SLC41A2: variants seen among roughly 807,000 people sequenced by gnomAD.
SLC41A2 encodes solute carrier family 41 member 2, also known as SLC41A1-like 1.
In SLC41A2, 32 loss-of-function variants were observed where a neutral mutation model predicts 58.3. The ratio of observed to expected loss-of-function variants is 0.55; its 90% CI spans 0.41 to 0.74. The LOEUF is 0.74. Ranked by LOEUF, SLC41A2 falls within the 30% of genes least tolerant of loss-of-function variation. SLC41A2 has a pLI of 0.00. For synonymous variants in SLC41A2, 190 were observed against 235.0 expected (o/e 0.81, Z 1.75); for missense variants, 514 against 680.6 (o/e 0.76, Z 2.72).
chr12:104,834,602 C>G (rs1211412778), intron 10 of SLC41A2, among the ~76,000 whole-genome samples: 1 of 151,774 alleles, frequency 6.6e-6, no homozygotes, highest in Non-Finnish European at 1.5e-5. Context: ...GATTAAGTAA[C>G]CTGTTTAAAT....
intron 3 of SLC41A2, among the ~76,000 whole-genome samples, chr12:104,907,807 A>G (rs1417312282): frequency 1.3e-5 from 2 of 152,238 alleles, no homozygotes; most frequent in Admixed American, 6.5e-5. Context: ...GGTATAAGAT[A>G]TCACTGGAAA....
intron 3 of SLC41A2, among the ~76,000 whole-genome samples, chr12:104,904,419 T>C (rs10507188): frequency 0.053 from 8,057 of 152,290 alleles, 290 homozygotes; most frequent in East Asian, 0.11. Flanking sequence ...GCCTCTCGGA[T>C]TGAGTTCTAT....
intron 10 of SLC41A2, among the ~76,000 whole-genome samples, chr12:104,830,475 T>C (rs539747199): frequency 6.6e-6 from 1 of 152,196 alleles, no homozygotes; most frequent in Non-Finnish European, 1.5e-5. Context: ...CTCTGTGGAA[T>C]TTTTTTCCTG....
chr12:104,897,624 G>A (rs1487221652), intron 3 of SLC41A2, among the ~76,000 whole-genome samples: 1 of 151,882 alleles, frequency 6.6e-6, no homozygotes, highest in Non-Finnish European at 1.5e-5. Flanking sequence ...TTAAAACAAT[G>A]TATGACATAA....
Position 104,895,217 on chromosome 12 carries a change from G to A in SLC41A2, c.735+57C>T. ...TACTAAAATTTACACCAATCTTATAGATTACAGTCAAAATTTGTACACCCA... is the reference window on the plus strand; with the variant it reads ...TACTAAAATTTACACCAATCTTATAAATTACAGTCAAAATTTGTACACCCA... On this transcript the variant is annotated intron_variant, in intron 4 of 10. Coordinates refer to ENST00000258538, the MANE Select transcript of SLC41A2 (RefSeq NM_001352171.3). 9 of 1,257,286 alleles carry A rather than the reference G, an allele frequency of 7.2e-6. No homozygotes were observed. The South Asian group carries it at 1.1e-4, about 15-fold the overall frequency. The allele number at this position is 1,257,286 out of a possible 1,614,324, so 77.9% of individuals were successfully genotyped here. A position where few individuals can be genotyped will look rare whatever the true frequency, so the allele number is the denominator to read the frequency against.
intron 10 of SLC41A2, chr12:104,834,119 C>T: frequency 1.0e-6 from 1 of 985,334 alleles, no homozygotes; most frequent in Non-Finnish European, 1.2e-6. Context: ...GCTGTGCCTC[C>T]AATAAAGCAG....
chr12:104,927,057 C>CAAAAT (rs961321683), intron 2 of SLC41A2, among the ~76,000 whole-genome samples: 90 of 151,188 alleles, frequency 6.0e-4, no homozygotes, highest in Non-Finnish European at 6.9e-4. Flanking sequence ...GACCCTGTCT[C>CAAAAT]AAAATAAAAT....
intron 6 of SLC41A2, among the ~76,000 whole-genome samples, chr12:104,876,452 T>A (rs1202585977): frequency 6.6e-6 from 1 of 152,200 alleles, no homozygotes; most frequent in African/African-American, 2.4e-5. Flanking sequence ...TGGTATGTTG[T>A]GTTTCCATTT....
At position 104,910,913 on chromosome 12, in the gene SLC41A2, G is replaced by T. The variant is rs552393569; in HGVS notation, c.556-1151C>A. 1.2e-4 allele frequency among the ~76,000 whole-genome samples: 19 copies of T among 152,242 alleles called. 1 individual carries two copies. The highest frequency in any genetic ancestry group is 4.1e-4 in the African/African-American group (17 of 41,542). ...CTTTCCAGGTCTTTTCCTGATCCAG[G>T]AGAGATTAACTAAGAGTCTGGCAAC... On this transcript the variant is annotated intron_variant, in intron 2 of 10. Coordinates refer to ENST00000258538, the MANE Select transcript of SLC41A2 (RefSeq NM_001352171.3).
chr12:104,810,019 G>A (rs1400722735), intron 10 of SLC41A2, among the ~76,000 whole-genome samples: 1 of 152,160 alleles, frequency 6.6e-6, no homozygotes, highest in Non-Finnish European at 1.5e-5. Flanking sequence ...ATCAGCTTGA[G>A]ACAGTGTCAT....
At chr12:104,834,199 A>C (rs2136290625) in intron 10 of SLC41A2, 1 of 985,146 alleles carries the variant, frequency 1.0e-6, no homozygotes, top group Non-Finnish European at 1.2e-6. Context: ...ATTAACCATA[A>C]ATATGGATTT....
chr12:104,895,735 T>C (rs1355319677), intron 3 of SLC41A2, among the ~76,000 whole-genome samples: 1 of 152,172 alleles, frequency 6.6e-6, no homozygotes, highest in Non-Finnish European at 1.5e-5. Context: ...ATTATAAAAC[T>C]AATGTAACTT....
In SLC41A2 at chr12:104,897,148, T is replaced by TTTC. The variant is rs1555210664; in HGVS notation, c.664-1804_664-1803insGAA. Among the ~76,000 whole-genome samples the TTTC allele has an allele frequency of 7.1e-3, 1,038 of 145,850 alleles. 11 individuals carry two copies. The highest frequency in any genetic ancestry group is 0.024 in the African/African-American group (954 of 39,372). ...AGAGTGACACTTTTCTTTTTTCTTT[T>TTTC]TTTTTTTTTTTTTTTGAGACAGAGT... is the stretch of plus-strand genomic sequence containing the variant. On this transcript the variant is annotated intron_variant, in intron 3 of 10. Coordinates refer to ENST00000258538, the MANE Select transcript of SLC41A2 (RefSeq NM_001352171.3).
Position 104,889,183 on chromosome 12 carries a change from AT to A in SLC41A2, c.736-7del, listed in dbSNP as rs754097360. Reference sequence around the variant, plus strand: ...CCCACTACTGTTGCCTGAACCTAAAATTTTTTTCATAAATCCAACTGAATTA... The same window carrying A: ...CCCACTACTGTTGCCTGAACCTAAAATTTTTTCATAAATCCAACTGAATTA... On this transcript the variant is annotated splice_polypyrimidine_tract_variant and splice_region_variant and intron_variant, in intron 4 of 10. Transcript: ENST00000258538. 12 of 1,599,140 alleles carry A rather than the reference AT, an allele frequency of 7.5e-6. No homozygotes were observed. Among genetic ancestry groups the A allele is most frequent in the South Asian group, 4.6e-5 (4 of 87,356 alleles).
At chr12:104,902,045 T>C (rs146715670) in intron 3 of SLC41A2, among the ~76,000 whole-genome samples, 7 of 152,320 alleles carry the variant, frequency 4.6e-5, no homozygotes, top group African/African-American at 1.7e-4. Context: ...TGGCCTTCTA[T>C]AGCTATAATT....
intron 1 of SLC41A2, among the ~76,000 whole-genome samples, chr12:104,954,299 T>C (rs1034972356): frequency 6.6e-6 from 1 of 152,228 alleles, no homozygotes; most frequent in Non-Finnish European, 1.5e-5. Flanking sequence ...GTCATTTCCA[T>C]CTAAATATTT....
Position 104,840,560 on chromosome 12 carries a change from T to C in SLC41A2, c.1536+3912A>G, listed in dbSNP as rs545145127. Reference sequence around the variant, plus strand: ...AAAAAGCAATGTGATTGGTGGTATGTCAAATAGGAATGTCTCTTAGCACAT... The same window carrying C: ...AAAAAGCAATGTGATTGGTGGTATGCCAAATAGGAATGTCTCTTAGCACAT... On this transcript the variant is annotated intron_variant, in intron 10 of 10. Transcript: ENST00000258538. Among the ~76,000 whole-genome samples the C allele has an allele frequency of 2.0e-5, 3 of 152,304 alleles. No individual in the cohort carries two copies. The East Asian group carries it at 5.8e-4, about 29-fold the overall frequency.
chr12:104,845,857 G>C lies in SLC41A2; in HGVS notation c.1373C>G (p.Thr458Ser). 6.2e-7 allele frequency: 1 copy of C among 1,613,098 alleles called. No individual in the cohort carries two copies. Among genetic ancestry groups the C allele is most frequent in the Non-Finnish European group, 8.5e-7 (1 of 1,179,386 alleles). ...EPKGCYYPFR[T>S]FFGPGVNNKS... is the part of the protein sequence containing the mutation. ...TAAGCACATACCTGGACCAAAGAAA[G>C]TTCTAAATGGGTAGTAACAACCTTT... Residue 458 changes from threonine (T) to serine (S), a missense_variant, in exon 9 of 11, where the codon ACT becomes AGT. Physicochemically the swap from Thr to Ser is moderately conservative, Grantham distance 58. Around this residue, in one of 3 missense-constraint regions of SLC41A2, gnomAD observed 128 missense variants for 146.0 expected, o/e 0.88. Coordinates refer to ENST00000258538, the MANE Select transcript of SLC41A2 (RefSeq NM_001352171.3).
At position 104,888,833 on chromosome 12, in the gene SLC41A2, A is replaced by G. The variant is rs530181820; in HGVS notation, c.880+200T>C. Among the ~76,000 whole-genome samples, 11 of 152,306 alleles carry G rather than the reference A, an allele frequency of 7.2e-5. No individual in the cohort carries two copies. In the South Asian group the frequency reaches 2.3e-3, roughly 32 times the overall value. On this transcript the variant is annotated intron_variant, in intron 5 of 10. Transcript: ENST00000258538. ...GTATCCAAGGCCAGGAGACAACCTC[A>G]GAAAAGCCTGTTCTACACTAAGTTT...
Sources: allele counts gnomAD v4.1 joint callset (sites outside exome capture counted in the v4.1 genomes callset), GRCh38; gene constraint gnomAD v4.1.1; regional missense constraint gnomAD v4.1.1; transcripts MANE v1.5; gene names NCBI Gene and HGNC (gene_info 2026-07-23, HGNC 2026-07-21).